TUSC3: variants seen among roughly 807,000 people sequenced by gnomAD.
TUSC3 encodes the protein dolichyl-diphosphooligosaccharide--protein glycosyltransferase subunit TUSC3.
In TUSC3, 45 loss-of-function variants were observed where a neutral mutation model predicts 44.8. The ratio of observed to expected loss-of-function variants is 1.00; its 90% CI spans 0.79 to 1.29. The LOEUF is 1.29. Ranked by LOEUF, TUSC3 falls within the 50% of genes most tolerant of loss-of-function variation. The pLI is 0.00. For missense variants in TUSC3, 519 were observed against 437.9 expected (o/e 1.19, Z -1.65); for synonymous variants, 212 against 152.9 (o/e 1.39, Z -2.85).
chr8:15,430,911 C>G (rs1466176158), intron 1 of TUSC3, among the ~76,000 whole-genome samples: 1 of 151,842 alleles, frequency 6.6e-6, no homozygotes, highest in Admixed American at 6.5e-5. Flanking sequence ...ACTAAAGAGA[C>G]TGTCCTTTCC....
At chr8:15,584,940 A>G (rs1407765906) in intron 1 of TUSC3, among the ~76,000 whole-genome samples, 1 of 152,218 alleles carries the variant, frequency 6.6e-6, no homozygotes, top group Admixed American at 6.5e-5. Flanking sequence ...TAGGAGACAT[A>G]AAGACATTGA....
At chr8:15,818,599 G>C in the TUSC3 span, among the ~76,000 whole-genome samples, 10 of 152,180 alleles carry the variant, frequency 6.6e-5, no homozygotes, top group Non-Finnish European at 1.0e-4. Context: ...AATCCTCTGT[G>C]ACTGACACGG....
chr8:15,669,820 G>A (rs143556092), intron 5 of TUSC3, among the ~76,000 whole-genome samples: 23 of 151,642 alleles, frequency 1.5e-4, no homozygotes, highest in African/African-American at 5.3e-4. Flanking sequence ...GGGACCCTGA[G>A]CATTGCATTA....
chr8:15,748,597 G>C, intron 9 of TUSC3, 132 bp downstream of exon 9: 2 of 833,314 alleles, frequency 2.4e-6, no homozygotes, highest in South Asian at 1.3e-5. Flanking sequence ...GCAAGTTTTT[G>C]AGCACCTGCC....
the TUSC3 span, among the ~76,000 whole-genome samples, chr8:15,810,200 G>A: frequency 6.6e-6 from 1 of 152,068 alleles, no homozygotes; most frequent in Non-Finnish European, 1.5e-5. Flanking sequence ...ATTTGGGGGT[G>A]GGGCTCAGAA....
chr8:15,738,442 C>G (rs1470688816), intron 7 of TUSC3, among the ~76,000 whole-genome samples: 1 of 152,178 alleles, frequency 6.6e-6, no homozygotes, highest in Non-Finnish European at 1.5e-5. Context: ...TCCAACCTGC[C>G]TGCTATTTTT....
intron 2 of TUSC3, among the ~76,000 whole-genome samples, chr8:15,500,081 T>C (rs1249449370): frequency 6.6e-6 from 1 of 152,190 alleles, no homozygotes; most frequent in Non-Finnish European, 1.5e-5. Flanking sequence ...AACCATCATT[T>C]TCATATATCC....
At chr8:15,507,497 A>G (rs1801072989) in intron 2 of TUSC3, among the ~76,000 whole-genome samples, 1 of 152,160 alleles carries the variant, frequency 6.6e-6, no homozygotes, top group Non-Finnish European at 1.5e-5. Flanking sequence ...TGTATTTTTC[A>G]GATTCTAGCT....
At chr8:15,619,326 A>G (rs1448421289) in intron 1 of TUSC3, among the ~76,000 whole-genome samples, 1 of 152,212 alleles carries the variant, frequency 6.6e-6, no homozygotes, top group Non-Finnish European at 1.5e-5. Context: ...AATAATTCAC[A>G]AAATGTAATC....
At chr8:15,842,522 T>C in the TUSC3 span, among the ~76,000 whole-genome samples, 1 of 152,144 alleles carries the variant, frequency 6.6e-6, no homozygotes, top group South Asian at 2.1e-4. Context: ...TTATTGCTGA[T>C]CTTAGCATCA....
intron 2 of TUSC3, among the ~76,000 whole-genome samples, chr8:15,631,667 GTTGTGTGTGT>G (rs1805769172): frequency 8.7e-6 from 1 of 114,694 alleles, no homozygotes; most frequent in South Asian, 3.3e-4. Context: ...GTTTAAGGCT[GTTGTGTGTGT>G]GTGTGTGTGT....
At chr8:15,459,840 G>GTATGTGTGTA (rs1442977121) in intron 1 of TUSC3, among the ~76,000 whole-genome samples, 8 of 147,944 alleles carry the variant, frequency 5.4e-5, no homozygotes, top group Admixed American at 4.6e-4. Flanking sequence ...ATTTGTGTGT[G>GTATGTGTGTA]TGTGTGTGTG....
At chr8:15,656,588 C>T (rs1444895451) in intron 3 of TUSC3, among the ~76,000 whole-genome samples, 2 of 152,152 alleles carry the variant, frequency 1.3e-5, no homozygotes, top group Admixed American at 1.3e-4. Flanking sequence ...CCTTGGGCAG[C>T]CCCACCCACC....
intron 1 of TUSC3, among the ~76,000 whole-genome samples, chr8:15,545,901 C>G (rs1801846664): frequency 6.6e-6 from 1 of 151,700 alleles, no homozygotes; most frequent in South Asian, 2.1e-4. Flanking sequence ...GCATGTCAGA[C>G]TATCTCAGAC....
intron 2 of TUSC3, among the ~76,000 whole-genome samples, chr8:15,529,903 T>C (rs886539832): frequency 1.3e-5 from 1 of 78,188 alleles, no homozygotes; most frequent in Admixed American, 1.7e-4. Context: ...GTTCACGCCA[T>C]TCTCCTGCCT....
At chr8:15,627,924 G>T (rs1425808775) in intron 2 of TUSC3, among the ~76,000 whole-genome samples, 2 of 152,222 alleles carry the variant, frequency 1.3e-5, no homozygotes, top group Non-Finnish European at 2.9e-5. Context: ...AACGAATCCA[G>T]TGGGCCAGAG....
chr8:15,569,665 G>A (rs1311917125), intron 1 of TUSC3, among the ~76,000 whole-genome samples: 2 of 152,116 alleles, frequency 1.3e-5, no homozygotes, highest in Admixed American at 6.5e-5. Flanking sequence ...CTGGGCTAAC[G>A]GGGACATCTC....
chr8:15,481,419 C>T (rs561203873), intron 1 of TUSC3, among the ~76,000 whole-genome samples: 23 of 152,102 alleles, frequency 1.5e-4, no homozygotes, highest in Non-Finnish European at 2.5e-4. Flanking sequence ...TTTGCTCTTT[C>T]TTGGCTTTTC....
chr8:15,776,440 C>G, the TUSC3 span, among the ~76,000 whole-genome samples: 2 of 152,072 alleles, frequency 1.3e-5, no homozygotes, highest in African/African-American at 4.8e-5. Flanking sequence ...AGCACCTTTA[C>G]AGTACTTGAC....
Sources: gnomAD v4.1 joint callset for allele counts (sites outside exome capture counted in the v4.1 genomes callset) on GRCh38, gnomAD v4.1.1 for gene constraint, MANE v1.5 for transcripts, NCBI Gene and HGNC (gene_info 2026-07-23, HGNC 2026-07-21) for gene names.